PDE9A: variants seen among roughly 807,000 people sequenced by gnomAD.
PDE9A encodes the protein phosphodiesterase 9A, also known as high affinity cGMP-specific 3',5'-cyclic phosphodiesterase 9A.
In PDE9A, 60 loss-of-function variants were observed where a neutral mutation model predicts 87.4. The ratio of observed to expected loss-of-function variants is 0.69; its 90% CI spans 0.56 to 0.85. The LOEUF is 0.85. Ranked by LOEUF, PDE9A falls within the 40% of genes least tolerant of loss-of-function variation. The pLI is 0.00. For missense variants in PDE9A, 665 were observed against 779.0 expected, an observed-to-expected ratio of 0.85 and a Z score of 1.74; for synonymous variants, 272 against 279.4, an observed-to-expected ratio of 0.97 and a Z score of 0.27.
chr21:42,653,914 C>T lies in PDE9A; in HGVS notation c.69+31C>T, dbSNP rs1243909775. ...CCCTCCCCCACCCAGACACCCCCTC[C>T]TCCCCCCGGGTGACAGCGCCGGGGC... is the stretch of plus-strand genomic sequence containing the variant. On this transcript the variant is annotated intron_variant, in intron 1 of 19. Transcript: ENST00000291539. 9.0e-6 allele frequency: 12 copies of T among 1,337,104 alleles called. No homozygotes were observed. In the Admixed American group the frequency reaches 1.9e-4, roughly 21 times the overall value. The allele number at this position is 1,337,104 out of a possible 1,614,324, so 82.8% of individuals were successfully genotyped here.
At chr21:42,769,234 CAT>C (rs771435136) in intron 17 of PDE9A, 79 bp downstream of exon 17, 10 of 1,315,940 alleles carry the variant, frequency 7.6e-6, no homozygotes, top group African/African-American at 1.5e-5. Flanking sequence ...CACATATACA[CAT>C]ATGCACACAG....
At position 42,760,300 on chromosome 21, in the gene PDE9A, G is replaced by C. The variant is rs1917299146; in HGVS notation, c.898-28G>C. ...GAGAGGTGGGCGGGCCCAGGCACAG[G>C]GTGACTCGGACCCCCTGCCTCCCGC... On this transcript the variant is annotated intron_variant, in intron 11 of 19. Coordinates refer to ENST00000291539, the MANE Select transcript of PDE9A (RefSeq NM_002606.3). This position sits in a 1 kb window ranked among gnomAD's most constrained non-coding sequence, Gnocchi z 5.2. The C allele has an allele frequency of 7.2e-7, 1 of 1,397,000 alleles. No homozygotes were observed. The highest frequency in any genetic ancestry group is 1.1e-5 in the South Asian group (1 of 87,696). The allele number at this position is 1,397,000 out of a possible 1,614,324, so 86.5% of individuals were successfully genotyped here. A position where few individuals can be genotyped will look rare whatever the true frequency, so the allele number is the denominator to read the frequency against.
At chr21:42,770,292 C>T (rs2056911193) in intron 17 of PDE9A, among the ~76,000 whole-genome samples, 1 of 152,174 alleles carries the variant, frequency 6.6e-6, no homozygotes, top group African/African-American at 2.4e-5. Flanking sequence ...CACAGCCTCA[C>T]ACCCTCCGAC....
chr21:42,715,837 A>G (rs550199733), intron 4 of PDE9A, among the ~76,000 whole-genome samples: 26 of 151,534 alleles, frequency 1.7e-4, no homozygotes, highest in African/African-American at 6.3e-4. Context: ...GGACAAATAT[A>G]TGATGACCTG....
rs150603597 is a variant in PDE9A, at chr21:42,680,876, A to G, written c.70-5316A>G. Among the ~76,000 whole-genome samples, 828 of 152,340 alleles carry G rather than the reference A, an allele frequency of 5.4e-3. 4 individuals are homozygous for G. The highest frequency in any genetic ancestry group is 0.025 in the South Asian group (121 of 4,830). Reference sequence around the variant, plus strand: ...TTCTTCCCAGCTCCGGAAACGCTGCAGATTGCGCACTCGAGTTCCTGCTGA... The same window carrying G: ...TTCTTCCCAGCTCCGGAAACGCTGCGGATTGCGCACTCGAGTTCCTGCTGA... On this transcript the variant is annotated intron_variant, in intron 1 of 19. Coordinates refer to ENST00000291539, the MANE Select transcript of PDE9A (RefSeq NM_002606.3).
At position 42,704,637 on chromosome 21, in the gene PDE9A, G is replaced by A. The variant is rs965149017; in HGVS notation, c.262+5626G>A. ...GTCAGGAGTTAGCTCTAGCGACGCCGCCCTGAGTTCTGGCCTGTAAGCAAC... is the reference window on the plus strand; with the variant it reads ...GTCAGGAGTTAGCTCTAGCGACGCCACCCTGAGTTCTGGCCTGTAAGCAAC... On this transcript the variant is annotated intron_variant, in intron 4 of 19. Coordinates refer to ENST00000291539, the MANE Select transcript of PDE9A (RefSeq NM_002606.3). This position sits in a 1 kb window ranked among gnomAD's most constrained non-coding sequence, Gnocchi z 5.3. Among the ~76,000 whole-genome samples, 2 of 152,158 alleles carry A rather than the reference G, an allele frequency of 1.3e-5. No individual in the cohort carries two copies. The highest frequency in any genetic ancestry group is 2.9e-5 in the Non-Finnish European group (2 of 68,042).
Position 42,702,728 on chromosome 21 carries a change from G to A in PDE9A, c.262+3717G>A, listed in dbSNP as rs540008988. The stretch of plus-strand genomic sequence containing the variant: ...GGATAGCTCAGTCCTACTAAGACTT[G>A]ATCCCTTTGGGGTCTCCCCCAAACT... On this transcript the variant is annotated intron_variant, in intron 4 of 19. Coordinates refer to ENST00000291539, the MANE Select transcript of PDE9A (RefSeq NM_002606.3). This position sits in a 1 kb window ranked among gnomAD's most constrained non-coding sequence, Gnocchi z 4.9. Among the ~76,000 whole-genome samples the A allele has an allele frequency of 1.5e-4, 23 of 152,362 alleles. No homozygotes were observed. Among genetic ancestry groups the A allele is most frequent in the African/African-American group, 4.8e-4 (20 of 41,596 alleles).
intron 3 of PDE9A, among the ~76,000 whole-genome samples, chr21:42,697,054 G>A (rs2060181085): frequency 6.6e-6 from 1 of 152,232 alleles, no homozygotes; most frequent in South Asian, 2.1e-4. Context: ...GGCACGTGGT[G>A]GGAGATGAGA....
intron 17 of PDE9A, among the ~76,000 whole-genome samples, chr21:42,769,538 GCACACAAATGCACACACAGGCACACA>G (rs1569279704): frequency 1.4e-4 from 13 of 93,966 alleles, no homozygotes; most frequent in African/African-American, 4.5e-4. Flanking sequence ...GCACACACAG[GCACACAAATGCACACACAGGCACACA>G]CACACACACA....
chr21:42,731,868 G>A lies in PDE9A; in HGVS notation c.361G>A (p.Gly121Arg), dbSNP rs1400290570. 6 of 1,614,112 alleles carry A rather than the reference G, an allele frequency of 3.7e-6. No homozygotes were observed. Among genetic ancestry groups the A allele is most frequent in the African/African-American group, 1.3e-5 (1 of 74,936 alleles). Residue 121 changes from glycine (G) to arginine (R), a missense_variant, in exon 5 of 20, where the codon GGA (glycine) becomes AGA (arginine). Transcript: ENST00000291539. ...VVGLEQPRRE[G>R]AFESGQVEPR... The stretch of plus-strand genomic sequence containing the variant: ...GGGCCTGGAGCAGCCCCGGAGGGAA[G>A]GAGCATTTGAAAGTGGACAGGTAGA...
rs147305658 is a variant in PDE9A, at chr21:42,772,464, C to T, written c.1712C>T (p.Thr571Met). 399 of 1,603,128 alleles carry T rather than the reference C, an allele frequency of 2.5e-4. No individual in the cohort carries two copies. The African/African-American group carries it at 3.6e-3, about 14-fold the overall frequency. Residue 571 changes from threonine (T) to methionine (M), a missense_variant, in exon 19 of 20, where the codon ACG (threonine) becomes ATG (methionine). By Grantham distance (81) the Thr-to-Met change is moderately conservative. Coordinates refer to ENST00000291539, the MANE Select transcript of PDE9A (RefSeq NM_002606.3). ...KELQKKTDSL[T>M]SGATEKSRER... is the part of the protein sequence containing the mutation. The stretch of plus-strand genomic sequence containing the variant: ...TTACAGAAGAAGACTGACAGCTTGA[C>T]GTCTGGGGCCACCGAGAAGTCCAGA...
At position 42,760,142 on chromosome 21, in the gene PDE9A, G is replaced by A. The variant is rs1022458004; in HGVS notation, c.898-186G>A. ...CCGGGTGCCGTGGTGTGGCCCGCTGGACGTTCTCAGGGTCCCTGTGTCACC... is the reference window on the plus strand; with the variant it reads ...CCGGGTGCCGTGGTGTGGCCCGCTGAACGTTCTCAGGGTCCCTGTGTCACC... On this transcript the variant is annotated intron_variant, in intron 11 of 19. Coordinates refer to ENST00000291539, the MANE Select transcript of PDE9A (RefSeq NM_002606.3). This position sits in a 1 kb window ranked among gnomAD's most constrained non-coding sequence, Gnocchi z 5.2. 1.3e-5 allele frequency among the ~76,000 whole-genome samples: 2 copies of A among 152,094 alleles called. No individual in the cohort carries two copies. The highest frequency in any genetic ancestry group is 2.9e-5 in the Non-Finnish European group (2 of 68,000).
chr21:42,773,843 G>A (rs1015320370), intron 19 of PDE9A, among the ~76,000 whole-genome samples: 97 of 149,922 alleles, frequency 6.5e-4, no homozygotes, highest in Non-Finnish European at 6.2e-4. Flanking sequence ...AGTGGCTCAT[G>A]CCTGTAGTCC....
Position 42,735,920 on chromosome 21 carries a change from A to G in PDE9A, c.568+2494A>G, listed in dbSNP as rs1263842796. Among the ~76,000 whole-genome samples, 7 of 152,272 alleles carry G rather than the reference A, an allele frequency of 4.6e-5. No individual in the cohort carries two copies. The East Asian group carries it at 7.7e-4, about 17-fold the overall frequency. On this transcript the variant is annotated intron_variant, in intron 7 of 19. Coordinates refer to ENST00000291539, the MANE Select transcript of PDE9A (RefSeq NM_002606.3). ...CTGGCTCAGCTCTCCACCAAGCCCCATGTCGCAGGGAATTCTCCAAACTTG... is the reference window on the plus strand; with the variant it reads ...CTGGCTCAGCTCTCCACCAAGCCCCGTGTCGCAGGGAATTCTCCAAACTTG...
At chr21:42,679,552 G>C (rs3819897) in intron 1 of PDE9A, among the ~76,000 whole-genome samples, 45,945 of 151,746 alleles carry the variant, frequency 0.3, 7,484 homozygotes, top group African/African-American at 0.44. Flanking sequence ...GAGCTGCTGC[G>C]CCGGCCTGAG....
Position 42,760,261 on chromosome 21 carries a change from G to T in PDE9A, c.898-67G>T, listed in dbSNP as rs1204314584. On this transcript the variant is annotated intron_variant, in intron 11 of 19. Coordinates refer to ENST00000291539, the MANE Select transcript of PDE9A (RefSeq NM_002606.3). This position sits in a 1 kb window ranked among gnomAD's most constrained non-coding sequence, Gnocchi z 5.2. ...GTTCAAACCAGCGCACAGCCTTCTG[G>T]GTGGCTTTGGGAGGAGAGGTGGGCG... 5 of 883,296 alleles carry T rather than the reference G, an allele frequency of 5.7e-6. No individual in the cohort carries two copies. The highest frequency in any genetic ancestry group is 9.4e-6 in the Non-Finnish European group (5 of 529,854). The allele number at this position is 883,296 out of a possible 1,614,324, so 54.7% of individuals were successfully genotyped here.
chr21:42,666,144 C>A (rs115973840), intron 1 of PDE9A, among the ~76,000 whole-genome samples: 3 of 151,950 alleles, frequency 2.0e-5, no homozygotes, highest in African/African-American at 2.4e-5. Flanking sequence ...TGGCCACAAC[C>A]GAGAGGGCGT....
chr21:42,694,733 A>G lies in PDE9A; in HGVS notation c.219-4235A>G, dbSNP rs2146280794. 6.6e-6 allele frequency among the ~76,000 whole-genome samples: 1 copy of G among 152,230 alleles called. No individual in the cohort carries two copies. The highest frequency in any genetic ancestry group is 6.5e-5 in the Admixed American group (1 of 15,296). ...ACCCCTCACAGTTATCTCTCCCTTG[A>G]GTCCTGCTACCTTCCAGAAAAATAG... On this transcript the variant is annotated intron_variant, in intron 3 of 19. Transcript: ENST00000291539. The surrounding 1 kb of genome is among the most constrained non-coding windows in gnomAD (Gnocchi z 5.3).
chr21:42,704,820 C>T lies in PDE9A; in HGVS notation c.262+5809C>T, dbSNP rs1218862613. ...CCCCACACCCAGCCTTTCCCAAGGC[C>T]CTGGGTTCCTCACTGATTCTCAGCA... On this transcript the variant is annotated intron_variant, in intron 4 of 19. Transcript: ENST00000291539. This position sits in a 1 kb window ranked among gnomAD's most constrained non-coding sequence, Gnocchi z 5.3. Among the ~76,000 whole-genome samples the T allele has an allele frequency of 1.3e-5, 2 of 152,232 alleles. No homozygotes were observed. The highest frequency in any genetic ancestry group is 3.8e-4 in the East Asian group (2 of 5,204).
Sources: gnomAD v4.1 joint callset for allele counts (sites outside exome capture counted in the v4.1 genomes callset) on GRCh38, gnomAD v4.1.1 for gene constraint, Gnocchi (gnomAD v3.1) non-coding constraint, MANE v1.5 for transcripts, NCBI Gene and HGNC (gene_info 2026-07-23, HGNC 2026-07-21) for gene names.